SPOCK3: variants seen among roughly 807,000 people sequenced by gnomAD.
The protein encoded by SPOCK3 is SPARC (osteonectin), cwcv and kazal like domains proteoglycan 3.
Under a neutral mutation model 56.6 loss-of-function variants are expected in SPOCK3, and 30 were observed. The ratio of observed to expected loss-of-function variants is 0.53; its 90% CI spans 0.40 to 0.72. SPOCK3 has a LOEUF of 0.72. Among genes scored for constraint, SPOCK3 ranks in the 30% least tolerant of loss-of-function variants. The pLI, the probability that SPOCK3 is intolerant of heterozygous loss-of-function variation, is 0.00. For synonymous variants in SPOCK3, 196 were observed against 183.3 expected (o/e 1.07, Z -0.56); for missense variants, 527 against 530.0 (o/e 0.99, Z 0.06).
chr4:167,194,783 G>A (rs1233716907), intron 2 of SPOCK3, among the ~76,000 whole-genome samples: 1 of 152,128 alleles, frequency 6.6e-6, no homozygotes, highest in Non-Finnish European at 1.5e-5. Flanking sequence ...CAGGACCTTG[G>A]CCAGTAGGGC....
chr4:166,951,681 C>T (rs1742641432), intron 4 of SPOCK3, among the ~76,000 whole-genome samples: 3 of 141,014 alleles, frequency 2.1e-5, no homozygotes, highest in Non-Finnish European at 4.5e-5. Context: ...CAAAAATCCT[C>T]AATAAAATAC....
At chr4:167,033,361 A>C (rs1267238407) in intron 3 of SPOCK3, among the ~76,000 whole-genome samples, 1 of 148,804 alleles carries the variant, frequency 6.7e-6, no homozygotes, top group Non-Finnish European at 1.5e-5. Flanking sequence ...AAAATTCAAT[A>C]AGTTACATTT....
chr4:166,840,969 G>A (rs1184065899), intron 6 of SPOCK3, among the ~76,000 whole-genome samples: 2 of 151,114 alleles, frequency 1.3e-5, no homozygotes, highest in South Asian at 2.1e-4. Context: ...TCGTAGCGAC[G>A]GGGTTTCACC....
chr4:166,890,821 T>C (rs1286758656), intron 5 of SPOCK3, among the ~76,000 whole-genome samples: 2 of 151,978 alleles, frequency 1.3e-5, no homozygotes. Flanking sequence ...TAATTTTCTG[T>C]CTCGTTGATC....
At chr4:166,794,937 C>T (rs62355243) in intron 6 of SPOCK3, among the ~76,000 whole-genome samples, 4,275 of 152,148 alleles carry the variant, frequency 0.028, 56 homozygotes, top group Middle Eastern at 0.048. Flanking sequence ...GTCACCGCGC[C>T]GGCCCGTTTC....
chr4:166,858,839 G>A (rs537506244), intron 6 of SPOCK3, among the ~76,000 whole-genome samples: 44 of 152,162 alleles, frequency 2.9e-4, no homozygotes, highest in African/African-American at 1.0e-3. Flanking sequence ...TTTTCATTGT[G>A]AGCAGAAATA....
intron 7 of SPOCK3, among the ~76,000 whole-genome samples, chr4:166,786,140 C>G (rs905650489): frequency 1.3e-5 from 2 of 151,974 alleles, no homozygotes; most frequent in African/African-American, 4.8e-5. Flanking sequence ...AGGGAAGGCA[C>G]CTAGTGAGGA....
At chr4:166,955,450 A>C (rs1249049536) in intron 4 of SPOCK3, among the ~76,000 whole-genome samples, 1 of 147,154 alleles carries the variant, frequency 6.8e-6, no homozygotes, top group Admixed American at 6.9e-5. Context: ...TAGAAATACA[A>C]ATTATAATAT....
chr4:167,084,556 T>C (rs535837054), intron 2 of SPOCK3, among the ~76,000 whole-genome samples: 3 of 152,122 alleles, frequency 2.0e-5, no homozygotes, highest in Non-Finnish European at 2.9e-5. Context: ...CTTATGTATG[T>C]GGAGTGTAGC....
At chr4:167,011,557 C>T (rs1057192147) in intron 3 of SPOCK3, among the ~76,000 whole-genome samples, 8 of 151,956 alleles carry the variant, frequency 5.3e-5, no homozygotes, top group Admixed American at 1.3e-4. Flanking sequence ...ATAACCATAA[C>T]GACAACAAAA....
intron 2 of SPOCK3, among the ~76,000 whole-genome samples, chr4:167,074,356 GAAACT>G (rs1756976860): frequency 1.3e-5 from 2 of 151,954 alleles, no homozygotes; most frequent in South Asian, 4.1e-4. Context: ...CCACGTGGCT[GAAACT>G]AAGGTGTCAA....
chr4:166,754,271 T>C, intron 8 of SPOCK3: 5 of 1,234,302 alleles, frequency 4.1e-6, no homozygotes, highest in African/African-American at 1.5e-5. Flanking sequence ...GAAACTATAA[T>C]GTAGTGGCAT....
At chr4:167,089,672 T>G (rs1863784) in intron 2 of SPOCK3, among the ~76,000 whole-genome samples, 2 of 152,110 alleles carry the variant, frequency 1.3e-5, no homozygotes, top group African/African-American at 4.8e-5. Flanking sequence ...GTCATATTTC[T>G]CCCTTTAGAT....
At chr4:167,112,975 C>T (rs1761030263) in intron 2 of SPOCK3, among the ~76,000 whole-genome samples, 1 of 152,060 alleles carries the variant, frequency 6.6e-6, no homozygotes, top group African/African-American at 2.4e-5. Flanking sequence ...AGATTTCCTC[C>T]CCTATCATCA....
chr4:167,064,676 G>A (rs962373358), intron 2 of SPOCK3, among the ~76,000 whole-genome samples: 1 of 151,626 alleles, frequency 6.6e-6, no homozygotes, highest in East Asian at 1.9e-4. Context: ...ATTTGGAGAC[G>A]GGCAAACCAG....
chr4:166,994,638 A>G (rs956706564), intron 4 of SPOCK3, among the ~76,000 whole-genome samples: 13 of 152,142 alleles, frequency 8.5e-5, no homozygotes, highest in Non-Finnish European at 1.9e-4. Flanking sequence ...CAATAATGAT[A>G]AGGTGTGTTG....
intron 2 of SPOCK3, among the ~76,000 whole-genome samples, chr4:167,154,458 G>A (rs1412564713): frequency 6.6e-6 from 1 of 152,064 alleles, no homozygotes; most frequent in Non-Finnish European, 1.5e-5. Flanking sequence ...ATATGAGAGG[G>A]TTAGGGGAAG....
At chr4:167,035,550 A>G (rs1470801019) in intron 3 of SPOCK3, among the ~76,000 whole-genome samples, 4 of 152,110 alleles carry the variant, frequency 2.6e-5, no homozygotes, top group Non-Finnish European at 4.4e-5. Context: ...TGGATTAACC[A>G]TGTTCTACCC....
intron 6 of SPOCK3, among the ~76,000 whole-genome samples, chr4:166,847,591 G>C (rs188815723): frequency 7.2e-6 from 1 of 139,350 alleles, no homozygotes; most frequent in East Asian, 2.0e-4. Context: ...AGAATTTGGA[G>C]AAAGTAGAGC....
Sources: gnomAD v4.1 joint callset for allele counts (sites outside exome capture counted in the v4.1 genomes callset) on GRCh38, gnomAD v4.1.1 for gene constraint, MANE v1.5 for transcripts, NCBI Gene and HGNC (gene_info 2026-07-23, HGNC 2026-07-21) for gene names.